Variants in KCNK12 observed in about 807,000 individuals in gnomAD.
The protein encoded by KCNK12 is potassium channel subfamily K member 12.
KCNK12 carries 6 observed loss-of-function variants against 25.3 expected under a neutral mutation model. That is an observed-to-expected ratio of 0.24 (90% CI 0.13 to 0.47). The LOEUF is 0.47. Among genes scored for constraint, KCNK12 ranks in the 20% least tolerant of loss-of-function variants. The pLI is 0.99. For synonymous variants in KCNK12, 331 were observed against 311.1 expected (o/e 1.06, Z -0.67); for missense variants, 444 against 661.7 (o/e 0.67, Z 3.61).
intron 1 of KCNK12, among the ~76,000 whole-genome samples, chr2:47,550,629 C>T (rs970380561): frequency 2.5e-4 from 38 of 151,904 alleles, no homozygotes; most frequent in Non-Finnish European, 1.3e-4. Flanking sequence ...GTGACCCACC[C>T]GCCTCGGCCT....
At chr2:47,554,471 T>TGG (rs1363362689) in intron 1 of KCNK12, among the ~76,000 whole-genome samples, 2 of 152,164 alleles carry the variant, frequency 1.3e-5, no homozygotes, top group East Asian at 3.9e-4. Flanking sequence ...AGCCATGCCG[T>TGG]GACTCACAGA....
At position 47,509,408 on chromosome 2, in the gene KCNK12, A is replaced by G. The variant is rs1319697438; in HGVS notation, c.*11499T>C. 6.6e-6 allele frequency among the ~76,000 whole-genome samples: 1 copy of G among 152,224 alleles called. No individual in the cohort carries two copies. The highest frequency in any genetic ancestry group is 1.9e-4 in the East Asian group (1 of 5,204). ...AAATGGGGTAGGTCTTTGAAAACCAACAGATTGCAAATTCTCTGTCCCATA... is the reference window on the plus strand; with the variant it reads ...AAATGGGGTAGGTCTTTGAAAACCAGCAGATTGCAAATTCTCTGTCCCATA... On this transcript the variant is annotated 3_prime_UTR_variant, in exon 2 of 2. Coordinates refer to ENST00000327876, the MANE Select transcript of KCNK12 (RefSeq NM_022055.2).
rs1027956841 is a variant in KCNK12, at chr2:47,533,870, G to A, written c.392-12062C>T. ...TTTTCTTCCCTCCGAAGCCAGGCGT[G>A]GGGTGGGAGCATCCAGTGCACCCCT... On this transcript the variant is annotated intron_variant, in intron 1 of 1. Coordinates refer to ENST00000327876, the MANE Select transcript of KCNK12 (RefSeq NM_022055.2). The surrounding 1 kb of genome is among the most constrained non-coding windows in gnomAD (Gnocchi z 4.7). 6.6e-6 allele frequency among the ~76,000 whole-genome samples: 1 copy of A among 152,172 alleles called. No individual in the cohort carries two copies. The highest frequency in any genetic ancestry group is 1.5e-5 in the Non-Finnish European group (1 of 68,048).
In KCNK12 at chr2:47,521,525, C is replaced by T. The variant is rs1273070254; in HGVS notation, c.675G>A (p.Val225=). 6.4e-7 allele frequency: 1 copy of T among 1,574,464 alleles called. No homozygotes were observed. Among genetic ancestry groups the T allele is most frequent in the Middle Eastern group, 1.7e-4 (1 of 6,008 alleles). ...TGGCCGAGGCGCAGCAGGACAGCAGCACGGCGAACAGGCCCAGGATGAGCA... is the reference window on the plus strand; with the variant it reads ...TGGCCGAGGCGCAGCAGGACAGCAGTACGGCGAACAGGCCCAGGATGAGCA... ...HVLLILGLFA[V]LLSCCASAMY... Residue 225 remains valine (V), a synonymous_variant, in exon 2 of 2, where the codon GTG becomes GTA. Transcript: ENST00000327876.
rs1182591081 is a variant in KCNK12, at chr2:47,570,442, G to GGAGCCCCTCGCCGCCTTCGCA, written c.-132_-112dup. The GGAGCCCCTCGCCGCCTTCGCA allele has an allele frequency of 3.1e-5, 34 of 1,102,140 alleles. No homozygotes were observed. Among genetic ancestry groups the GGAGCCCCTCGCCGCCTTCGCA allele is most frequent in the Middle Eastern group, 3.5e-4 (1 of 2,852 alleles). 68.3% of individuals were successfully genotyped at this position (1,102,140 alleles called of 1,614,324 possible). On this transcript the variant is annotated 5_prime_UTR_variant, in exon 1 of 2. Coordinates refer to ENST00000327876, the MANE Select transcript of KCNK12 (RefSeq NM_022055.2). ...GTGGCCAGGGGTCCGGGGCCGCCGC[G>GGAGCCCCTCGCCGCCTTCGCA]GAGCCCCTCGCCGCCTTCGCAGAGC... is the stretch of plus-strand genomic sequence containing the variant.
In KCNK12 at chr2:47,525,151, T is replaced by A. The variant is rs138437327; in HGVS notation, c.392-3343A>T. On this transcript the variant is annotated intron_variant, in intron 1 of 1. Coordinates refer to ENST00000327876, the MANE Select transcript of KCNK12 (RefSeq NM_022055.2). This position sits in a 1 kb window ranked among gnomAD's most constrained non-coding sequence, Gnocchi z 4.1. Reference sequence around the variant, plus strand: ...GTTCCAGACACATCCATGCTGGACTTAATAAAACAGCAAAACAGGTCTGGG... The same window carrying A: ...GTTCCAGACACATCCATGCTGGACTAAATAAAACAGCAAAACAGGTCTGGG... Among the ~76,000 whole-genome samples the A allele has an allele frequency of 1.8e-3, 268 of 152,326 alleles. 1 individual carries two copies. Among genetic ancestry groups the A allele is most frequent in the African/African-American group, 6.3e-3 (263 of 41,580 alleles).
rs912939346 is a variant in KCNK12 at position 47,516,218 on chromosome 2, T to TC, written c.*4688dup. 1.3e-5 allele frequency among the ~76,000 whole-genome samples: 2 copies of TC among 151,900 alleles called. No individual in the cohort carries two copies. The highest frequency in any genetic ancestry group is 4.8e-5 in the African/African-American group (2 of 41,320). On this transcript the variant is annotated 3_prime_UTR_variant, in exon 2 of 2. Coordinates refer to ENST00000327876, the MANE Select transcript of KCNK12 (RefSeq NM_022055.2). ...TCAAGTCCATGACTGCCCATTAGAA[T>TC]CCCCCCAAAAAATTCCAGGACTGGC...
chr2:47,509,652 C>G lies in KCNK12; in HGVS notation c.*11255G>C, dbSNP rs186472758. On this transcript the variant is annotated 3_prime_UTR_variant, in exon 2 of 2. Coordinates refer to ENST00000327876, the MANE Select transcript of KCNK12 (RefSeq NM_022055.2). Reference sequence around the variant, plus strand: ...CAGTCAGGTCATCAGTGTCAGAGAGCTAGGTGGCCAGGTTGGAGTTGATTG... The same window carrying G: ...CAGTCAGGTCATCAGTGTCAGAGAGGTAGGTGGCCAGGTTGGAGTTGATTG... Among the ~76,000 whole-genome samples, 1 of 152,346 alleles carries G rather than the reference C, an allele frequency of 6.6e-6. No homozygotes were observed. The highest frequency in any genetic ancestry group is 1.9e-4 in the East Asian group (1 of 5,192).
At chr2:47,522,457 C>T (rs1314023412) in intron 1 of KCNK12, among the ~76,000 whole-genome samples, 1 of 152,126 alleles carries the variant, frequency 6.6e-6, no homozygotes, top group Non-Finnish European at 1.5e-5. Context: ...ACAGGCACTT[C>T]GAAAAGGCCT....
intron 1 of KCNK12, among the ~76,000 whole-genome samples, chr2:47,523,039 C>T (rs1014176595): frequency 6.6e-6 from 1 of 152,220 alleles, no homozygotes; most frequent in Non-Finnish European, 1.5e-5. Context: ...CTTCTTTCCT[C>T]AAGTTATTTG....
rs1669852636 is a variant in KCNK12 at position 47,569,852 on chromosome 2, G to A, written c.391+89C>T. On this transcript the variant is annotated intron_variant, in intron 1 of 1. Transcript: ENST00000327876. This position sits in a 1 kb window ranked among gnomAD's most constrained non-coding sequence, Gnocchi z 4.1. ...GGACATTAGAAGGGAAGGCAGAGCC[G>A]AGGGACGCGGACCGAGCGGCCGAGC... 2 of 1,093,336 alleles carry A rather than the reference G, an allele frequency of 1.8e-6. No individual in the cohort carries two copies. Among genetic ancestry groups the A allele is most frequent in the Non-Finnish European group, 2.4e-6 (2 of 841,442 alleles). The allele number at this position is 1,093,336 out of a possible 1,614,324, so 67.7% of individuals were successfully genotyped here.
Position 47,517,291 on chromosome 2 carries a change from C to T in KCNK12, c.*3616G>A, listed in dbSNP as rs1053569126. 8.5e-5 allele frequency: 13 copies of T among 152,174 alleles called. No individual in the cohort carries two copies. The highest frequency in any genetic ancestry group is 2.9e-4 in the African/African-American group (12 of 41,432). The allele number at this position is 152,174 out of a possible 1,614,324, so 9.4% of individuals were successfully genotyped here. A position where few individuals can be genotyped will look rare whatever the true frequency, so the allele number is the denominator to read the frequency against. On this transcript the variant is annotated 3_prime_UTR_variant, in exon 2 of 2. Transcript: ENST00000327876. This position sits in a 1 kb window ranked among gnomAD's most constrained non-coding sequence, Gnocchi z 4.1. ...GCTCAGTCATCCCTCACCCCAGAGTCCACAGGAAGAGGGGGTCTGCTGGGA... is the reference window on the plus strand; with the variant it reads ...GCTCAGTCATCCCTCACCCCAGAGTTCACAGGAAGAGGGGGTCTGCTGGGA...
rs1057348271 is a variant in KCNK12, at chr2:47,515,877, T to C, written c.*5030A>G. 6.6e-6 allele frequency among the ~76,000 whole-genome samples: 1 copy of C among 152,182 alleles called. No individual in the cohort carries two copies. Among genetic ancestry groups the C allele is most frequent in the Non-Finnish European group, 1.5e-5 (1 of 68,038 alleles). ...GAAGAACTTCATCCCCAGCTGACAC[T>C]GTGGGAAGGACCCCATGCAGAAGCA... On this transcript the variant is annotated 3_prime_UTR_variant, in exon 2 of 2. Coordinates refer to ENST00000327876, the MANE Select transcript of KCNK12 (RefSeq NM_022055.2).
At chr2:47,535,801 A>G (rs1319217595) in intron 1 of KCNK12, among the ~76,000 whole-genome samples, 1 of 152,154 alleles carries the variant, frequency 6.6e-6, no homozygotes, top group Non-Finnish European at 1.5e-5. Flanking sequence ...GCATTCAATC[A>G]TACTGCGCCA....
Position 47,540,772 on chromosome 2 carries a change from A to AAAACAAACAAAC in KCNK12, c.392-18976_392-18965dup, listed in dbSNP as rs59132408. Among the ~76,000 whole-genome samples the AAAACAAACAAAC allele has an allele frequency of 0.013, 2,005 of 150,038 alleles. 33 individuals carry two copies. Among genetic ancestry groups the AAAACAAACAAAC allele is most frequent in the African/African-American group, 0.038 (1,548 of 40,556 alleles). On this transcript the variant is annotated intron_variant, in intron 1 of 1. Transcript: ENST00000327876. This position sits in a 1 kb window ranked among gnomAD's most constrained non-coding sequence, Gnocchi z 5.4. The stretch of plus-strand genomic sequence containing the variant: ...GAGACTCCATCCCTAGAAACAATTA[A>AAAACAAACAAAC]AAACAAACAAACAAACAAACAAACA...
At position 47,535,444 on chromosome 2, in the gene KCNK12, C is replaced by T. The variant is rs1356200968; in HGVS notation, c.392-13636G>A. Among the ~76,000 whole-genome samples, 3 of 152,128 alleles carry T rather than the reference C, an allele frequency of 2.0e-5. No homozygotes were observed. The East Asian group carries it at 5.8e-4, about 29-fold the overall frequency. ...TGCGGCTGAGGGGTAAGGTGCACCC[C>T]TCCTCTAATGGGGGCGCACCCCTCC... On this transcript the variant is annotated intron_variant, in intron 1 of 1. Coordinates refer to ENST00000327876, the MANE Select transcript of KCNK12 (RefSeq NM_022055.2).
rs1317638163 is a variant in KCNK12, at chr2:47,528,316, T to C, written c.392-6508A>G. 1 of 152,494 alleles carries C rather than the reference T, an allele frequency of 6.6e-6. No individual in the cohort carries two copies. Among genetic ancestry groups the C allele is most frequent in the East Asian group, 1.9e-4 (1 of 5,202 alleles). 9.4% of individuals were successfully genotyped at this position (152,494 alleles called of 1,614,324 possible). On this transcript the variant is annotated intron_variant, in intron 1 of 1. Transcript: ENST00000327876. The surrounding 1 kb of genome is among the most constrained non-coding windows in gnomAD (Gnocchi z 4.5). ...TTTCCTACAGAGCACACTCAGCTCA[T>C]CCTGGGAGACAAGGTGGGGGTGGAG...
intron 1 of KCNK12, chr2:47,564,295 A>G (rs1481889499): frequency 1.7e-5 from 4 of 229,994 alleles, no homozygotes; most frequent in Non-Finnish European, 3.4e-5. Flanking sequence ...GCTGGCCACA[A>G]GCACCATGAA....
intron 1 of KCNK12, among the ~76,000 whole-genome samples, chr2:47,552,358 ATCC>A (rs763848337): frequency 1.3e-5 from 2 of 152,056 alleles, no homozygotes; most frequent in African/African-American, 2.4e-5. Flanking sequence ...GAGGAGGGGT[ATCC>A]TCCTCCAGCC....
Sources: allele counts gnomAD v4.1 joint callset (sites outside exome capture counted in the v4.1 genomes callset), GRCh38; gene constraint gnomAD v4.1.1; non-coding constraint Gnocchi (gnomAD v3.1); transcripts MANE v1.5; gene names NCBI Gene and HGNC (gene_info 2026-07-23, HGNC 2026-07-21).